Variants in SYNPR observed in about 807,000 individuals in gnomAD.
SYNPR encodes the protein synaptoporin.
SYNPR carries 23 observed loss-of-function variants against 32.9 expected under a neutral mutation model. That is an observed-to-expected ratio of 0.70 (90% confidence interval 0.50 to 0.99). The LOEUF (loss-of-function observed/expected upper bound fraction) is 0.99. Ranked by LOEUF, SYNPR falls within the 50% of genes least tolerant of loss-of-function variation. The probability of loss-of-function intolerance (pLI) is 0.00; values close to 1 mark genes in which losing one functional copy is unlikely to be tolerated. For missense variants in SYNPR, 318 were observed against 349.3 expected, an observed-to-expected ratio of 0.91 and a Z score of 0.71; for synonymous variants, 146 against 135.9, an observed-to-expected ratio of 1.07 and a Z score of -0.52.
At chr3:63,446,147 T>A (rs1280410337) in intron 2 of SYNPR, among the ~76,000 whole-genome samples, 1 of 152,162 alleles carries the variant, frequency 6.6e-6, no homozygotes, top group Non-Finnish European at 1.5e-5. Context: ...AAAGATGCGA[T>A]GACAGCTTAG....
chr3:63,567,181 T>A (rs996888350), intron 4 of SYNPR, among the ~76,000 whole-genome samples: 1 of 152,114 alleles, frequency 6.6e-6, no homozygotes, highest in Non-Finnish European at 1.5e-5. Context: ...CCTTCAGCTA[T>A]CCCACTACCA....
intron 2 of SYNPR, among the ~76,000 whole-genome samples, chr3:63,364,157 A>T (rs967796905): frequency 6.6e-6 from 1 of 152,220 alleles, no homozygotes; most frequent in Non-Finnish European, 1.5e-5. Flanking sequence ...GAAATATAAA[A>T]CATACCACTT....
At chr3:63,329,771 T>A (rs1379530913) in intron 2 of SYNPR, among the ~76,000 whole-genome samples, 1 of 152,168 alleles carries the variant, frequency 6.6e-6, no homozygotes, top group African/African-American at 2.4e-5. Flanking sequence ...GAATAGAGAC[T>A]AATTCGAGGA....
At chr3:63,308,840 T>C (rs2086933263) in intron 2 of SYNPR, among the ~76,000 whole-genome samples, 1 of 151,908 alleles carries the variant, frequency 6.6e-6, no homozygotes, top group Non-Finnish European at 1.5e-5. Context: ...ACTTCCTTGA[T>C]CCATAGAATT....
chr3:63,327,631 C>T (rs915895828), intron 2 of SYNPR, among the ~76,000 whole-genome samples: 5 of 152,006 alleles, frequency 3.3e-5, no homozygotes, highest in African/African-American at 9.7e-5. Context: ...TATGAGTTTA[C>T]ACAACATGAA....
intron 2 of SYNPR, among the ~76,000 whole-genome samples, chr3:63,388,211 T>C (rs2088081246): frequency 6.6e-6 from 1 of 152,044 alleles, no homozygotes; most frequent in Admixed American, 6.5e-5. Context: ...AAGGAGCTGA[T>C]GGCAGAGCAT....
intron 2 of SYNPR, among the ~76,000 whole-genome samples, chr3:63,372,003 A>G (rs970204571): frequency 6.6e-6 from 1 of 151,850 alleles, no homozygotes; most frequent in African/African-American, 2.4e-5. Flanking sequence ...CCCACTCTTC[A>G]CCAGACTGAG....
intron 2 of SYNPR, among the ~76,000 whole-genome samples, chr3:63,309,880 A>G (rs2086945715): frequency 1.3e-5 from 2 of 151,996 alleles, no homozygotes; most frequent in African/African-American, 2.4e-5. Flanking sequence ...CCAGACATGC[A>G]TATGCATTGT....
intron 2 of SYNPR, among the ~76,000 whole-genome samples, chr3:63,477,261 T>A (rs1700946186): frequency 6.6e-6 from 1 of 152,152 alleles, no homozygotes. Context: ...GTATTCCAAT[T>A]ACGGGACCAG....
chr3:63,603,001 G>A (rs891156286), intron 4 of SYNPR, among the ~76,000 whole-genome samples: 1 of 152,062 alleles, frequency 6.6e-6, no homozygotes, highest in Non-Finnish European at 1.5e-5. Flanking sequence ...CCATTTGTTT[G>A]TGTCATCTCT....
At chr3:63,425,942 C>T (rs1699884868) in intron 2 of SYNPR, among the ~76,000 whole-genome samples, 2 of 151,994 alleles carry the variant, frequency 1.3e-5, no homozygotes, top group South Asian at 4.2e-4. Context: ...GCCACCACGC[C>T]CAGCTAATTT....
intron 3 of SYNPR, among the ~76,000 whole-genome samples, chr3:63,273,229 A>G (rs1490122005): frequency 6.6e-6 from 1 of 152,214 alleles, no homozygotes; most frequent in African/African-American, 2.4e-5. Context: ...TCAAAATTGC[A>G]ATGAAAACTG....
intron 2 of SYNPR, among the ~76,000 whole-genome samples, chr3:63,336,519 CAAAAAAAAAAAAAAAAAAAAAAAAA>C (rs3082131): frequency 1.4e-3 from 66 of 48,842 alleles, no homozygotes; most frequent in South Asian, 3.7e-3. Context: ...CATTCCCATG[CAAAAAAAAAAAAAAAAAAAAAAAAA>C]AAAAAAAAAA....
intron 1 of SYNPR, among the ~76,000 whole-genome samples, chr3:63,247,777 C>A (rs905706341): frequency 6.6e-6 from 1 of 152,110 alleles, no homozygotes; most frequent in Non-Finnish European, 1.5e-5. Flanking sequence ...CTCAGCGAGT[C>A]AGCCTAAATA....
intron 2 of SYNPR, among the ~76,000 whole-genome samples, chr3:63,479,178 G>A (rs1293946886): frequency 1.3e-5 from 2 of 152,106 alleles, no homozygotes; most frequent in African/African-American, 4.8e-5. Flanking sequence ...TGGCTCACTG[G>A]GGCAGACAGC....
At chr3:63,501,217 G>A (rs1367238730) in intron 3 of SYNPR, among the ~76,000 whole-genome samples, 1 of 152,054 alleles carries the variant, frequency 6.6e-6, no homozygotes, top group Non-Finnish European at 1.5e-5. Context: ...GGTGGCTCAC[G>A]CCTGTAATCT....
intron 1 of SYNPR, among the ~76,000 whole-genome samples, chr3:63,233,411 A>G (rs1677336542): frequency 6.6e-6 from 1 of 152,240 alleles, no homozygotes; most frequent in Non-Finnish European, 1.5e-5. Context: ...CATGTTCCTT[A>G]GCATGGCACA....
chr3:63,432,579 C>T (rs1700012894), intron 2 of SYNPR, among the ~76,000 whole-genome samples: 1 of 152,132 alleles, frequency 6.6e-6, no homozygotes, highest in African/African-American at 2.4e-5. Flanking sequence ...ATTGTCATTG[C>T]TCTTATTGTT....
intron 2 of SYNPR, among the ~76,000 whole-genome samples, chr3:63,346,438 T>C (rs1338512924): frequency 1.3e-5 from 2 of 152,188 alleles, no homozygotes; most frequent in Non-Finnish European, 2.9e-5. Context: ...GTTGTACTAA[T>C]GAAAAGTATG....
Sources: gnomAD v4.1 joint callset for allele counts (sites outside exome capture counted in the v4.1 genomes callset) on GRCh38, gnomAD v4.1.1 for gene constraint, MANE v1.5 for transcripts, NCBI Gene and HGNC (gene_info 2026-07-23, HGNC 2026-07-21) for gene names.